The following ABCC12 variants were observed in gnomAD, a reference collection of about 807,000 sequenced individuals.
ABCC12 encodes ATP binding cassette subfamily C member 12.
Under a neutral mutation model 151.1 loss-of-function variants are expected in ABCC12, and 142 were observed. The observed-to-expected ratio is 0.94, with a 90% CI of 0.82 to 1.08. ABCC12 has a LOEUF of 1.08. ABCC12 is among the 50% of genes least tolerant of loss of function. ABCC12 has a pLI of 0.00. For synonymous variants in ABCC12, 645 were observed against 646.4 expected (o/e 1.00, Z 0.03); for missense variants, 1,638 against 1,691.1 (o/e 0.97, Z 0.55).
chr16:48,119,156 G>A (rs1265135076), intron 13 of ABCC12, among the ~76,000 whole-genome samples: 1 of 152,144 alleles, frequency 6.6e-6, no homozygotes, highest in African/African-American at 2.4e-5. Context: ...CACATATGAA[G>A]GATGCTAGAT....
chr16:48,133,586 T>C (rs1467832973), intron 9 of ABCC12, 101 bp downstream of exon 9: 1 of 1,374,398 alleles, frequency 7.3e-7, no homozygotes, highest in Admixed American at 2.3e-5. Flanking sequence ...CATGATTGGA[T>C]GTTCCTAATG....
intron 6 of ABCC12, among the ~76,000 whole-genome samples, chr16:48,140,391 C>G (rs545019476): frequency 6.6e-6 from 1 of 152,278 alleles, no homozygotes; most frequent in South Asian, 2.1e-4. Flanking sequence ...GTGCTCAGTA[C>G]TCCTCCACAG....
At position 48,088,529 on chromosome 16, in the gene ABCC12, C is replaced by G; in HGVS notation, c.3475+16G>C. The G allele has an allele frequency of 6.2e-7, 1 of 1,604,588 alleles. No individual in the cohort carries two copies. On this transcript the variant is annotated intron_variant, in intron 26 of 30. Transcript: ENST00000311303. ...GAAAACAACCCAAAAGAAACAAAAG[C>G]AGAGCTTGTCCTCACCGGAACCTGT...
At chr16:48,112,235 G>T (rs775841839) in intron 15 of ABCC12, among the ~76,000 whole-genome samples, 48 of 152,134 alleles carry the variant, frequency 3.2e-4, no homozygotes, top group Non-Finnish European at 6.6e-4. Flanking sequence ...GCCAGCCTTT[G>T]GCTCTCACAG....
Position 48,140,855 on chromosome 16 carries a change from A to G in ABCC12, c.489T>C (p.Ile163=), listed in dbSNP as rs16945872. 6.0e-3 allele frequency: 9,647 copies of G among 1,614,144 alleles called. 461 individuals carry two copies. In the African/African-American group the frequency reaches 0.11, roughly 19 times the overall value. Residue 163 remains isoleucine (I), a synonymous_variant, in exon 6 of 31, where the codon ATT becomes ATC. Transcript: ENST00000311303. The part of the protein sequence containing the change: ...ERTSGKVWVG[I]GLCIALFATE... ...TGGCAAAAAGGGCTATGCACAGTCC[A>G]ATGCCAACCCAGACTTTCCCAGAGG...
intron 15 of ABCC12, among the ~76,000 whole-genome samples, chr16:48,112,367 G>A (rs1017838202): frequency 3.3e-5 from 5 of 152,280 alleles, no homozygotes; most frequent in Admixed American, 2.0e-4. Context: ...AGGCTGAAGC[G>A]GGTGGATCAC....
chr16:48,107,290 T>A, intron 20 of ABCC12, 32 bp downstream of exon 20: 1 of 1,596,184 alleles, frequency 6.3e-7, no homozygotes, highest in Non-Finnish European at 8.6e-7. Flanking sequence ...AGACACAGAC[T>A]CGGCATCTTC....
chr16:48,091,864 C>G (rs562454526), intron 24 of ABCC12, among the ~76,000 whole-genome samples: 1 of 152,334 alleles, frequency 6.6e-6, no homozygotes, highest in African/African-American at 2.4e-5. Context: ...CGAATGCTCT[C>G]TCATTTGGAG....
chr16:48,084,858 T>C (rs1017262109), intron 29 of ABCC12, among the ~76,000 whole-genome samples: 1 of 152,144 alleles, frequency 6.6e-6, no homozygotes, highest in African/African-American at 2.4e-5. Context: ...ACAGGACGGA[T>C]TTGATTTAGC....
intron 22 of ABCC12, among the ~76,000 whole-genome samples, chr16:48,102,647 G>A (rs953925133): frequency 3.3e-5 from 5 of 152,090 alleles, no homozygotes; most frequent in African/African-American, 1.2e-4. Flanking sequence ...ACCTGCCCCT[G>A]CACAGAGTCC....
Position 48,083,463 on chromosome 16 carries a change from G to T in ABCC12, c.*252C>A, listed in dbSNP as rs1472996677. On this transcript the variant is annotated 3_prime_UTR_variant, in exon 31 of 31. Transcript: ENST00000311303. The stretch of plus-strand genomic sequence containing the variant: ...ATGAGGAACCCTTGGGGATTTGGGA[G>T]GTGAAGGGCAGTTTTTTAATCCATT... 8 of 456,344 alleles carry T rather than the reference G, an allele frequency of 1.8e-5. No homozygotes were observed. In the East Asian group the frequency reaches 2.3e-4, roughly 13 times the overall value. 28.3% of individuals were successfully genotyped at this position (456,344 alleles called of 1,614,324 possible).
chr16:48,095,290 A>C (rs140291078), intron 24 of ABCC12, among the ~76,000 whole-genome samples: 1,665 of 152,256 alleles, frequency 0.011, 12 homozygotes, highest in Non-Finnish European at 0.018. Context: ...CTTGTCTGCC[A>C]CCAAGTAAGA....
chr16:48,126,328 C>G (rs926253883), intron 11 of ABCC12, among the ~76,000 whole-genome samples: 1 of 152,128 alleles, frequency 6.6e-6, no homozygotes, highest in African/African-American at 2.4e-5. Flanking sequence ...ATCCATGAGG[C>G]CTGTATCCTC....
intron 15 of ABCC12, among the ~76,000 whole-genome samples, chr16:48,112,586 C>T (rs1423309512): frequency 2.0e-5 from 3 of 152,148 alleles, no homozygotes; most frequent in South Asian, 2.1e-4. Context: ...CAGAGCAAGA[C>T]TCTGTCTCAA....
intron 5 of ABCC12, 85 bp from the exon 6 acceptor site, chr16:48,141,005 A>C (rs976112341): frequency 4.2e-6 from 6 of 1,435,988 alleles, no homozygotes; most frequent in Non-Finnish European, 4.8e-6. Context: ...CAGCAAGCTG[A>C]CTTTAAGAGG....
At chr16:48,134,591 G>C (rs767151057) in intron 8 of ABCC12, among the ~76,000 whole-genome samples, 2 of 152,158 alleles carry the variant, frequency 1.3e-5, no homozygotes, top group East Asian at 1.9e-4. Context: ...TGCAGTTTTT[G>C]TTCTAAATTT....
intron 24 of ABCC12, among the ~76,000 whole-genome samples, chr16:48,095,706 GA>G (rs370399592): frequency 0.011 from 1,451 of 135,286 alleles, 18 homozygotes; most frequent in African/African-American, 0.032. Flanking sequence ...AATACAGTAA[GA>G]AAAAAAAAAA....
In ABCC12 at chr16:48,100,985, C is replaced by G; in HGVS notation, c.2925G>C (p.Glu975Asp). Residue 975 changes from glutamate to aspartate, a missense_variant, in exon 23 of 31, where the codon GAG (glutamate) becomes GAC (aspartate). Physicochemically the swap from Glu to Asp is conservative, Grantham distance 45. Transcript: ENST00000311303. ...GGCTGACATTCTCCACCTTCTTGAGCTCCTGGACTCCTCTGTGGAAAATGC... is the reference window on the plus strand; with the variant it reads ...GGCTGACATTCTCCACCTTCTTGAGGTCCTGGACTCCTCTGTGGAAAATGC... ...LLRIFHRGVQ[E>D]LKKVENVSRS... The G allele has an allele frequency of 6.2e-7, 1 of 1,614,178 alleles. No individual in the cohort carries two copies. The highest frequency in any genetic ancestry group is 8.5e-7 in the Non-Finnish European group (1 of 1,180,008).
At chr16:48,137,333 G>A (rs369447297) in intron 8 of ABCC12, among the ~76,000 whole-genome samples, 1 of 152,240 alleles carries the variant, frequency 6.6e-6, no homozygotes, top group African/African-American at 2.4e-5. Flanking sequence ...CTTGCACAAA[G>A]TAGGAACTTG....
Sources: allele counts gnomAD v4.1 joint callset (sites outside exome capture counted in the v4.1 genomes callset), GRCh38; gene constraint gnomAD v4.1.1; transcripts MANE v1.5; gene names NCBI Gene and HGNC (gene_info 2026-07-23, HGNC 2026-07-21).